TFAP2D: variants seen among roughly 807,000 people sequenced by gnomAD.
The protein encoded by TFAP2D is transcription factor AP-2 delta.
A neutral mutation model predicts 43.6 loss-of-function variants in TFAP2D; 9 were observed. The ratio of observed to expected loss-of-function variants is 0.21; its 90% CI spans 0.12 to 0.36. The LOEUF (loss-of-function observed/expected upper bound fraction) is 0.36. Among genes scored for constraint, TFAP2D ranks in the 10% least tolerant of loss-of-function variants. The probability of loss-of-function intolerance (pLI) is 1.00; values close to 1 mark genes in which losing one functional copy is unlikely to be tolerated. For missense variants in TFAP2D, 513 were observed against 561.4 expected, an observed-to-expected ratio of 0.91 and a Z score of 0.87; for synonymous variants, 256 against 224.9, an observed-to-expected ratio of 1.14 and a Z score of -1.24.
At chr6:50,751,044 A>G (rs1769193704) in intron 6 of TFAP2D, among the ~76,000 whole-genome samples, 167 bp from the exon 7 acceptor site, 1 of 152,032 alleles carries the variant, frequency 6.6e-6, no homozygotes, top group African/African-American at 2.4e-5. Flanking sequence ...CAAAGTCACC[A>G]TTATGAAACT....
chr6:50,734,145 G>A (rs992663137), intron 5 of TFAP2D, among the ~76,000 whole-genome samples: 1 of 152,032 alleles, frequency 6.6e-6, no homozygotes, highest in East Asian at 1.9e-4. Context: ...TGTTGCTCTT[G>A]TCTTTCATTT....
chr6:50,741,315 G>T (rs558359339), intron 5 of TFAP2D, among the ~76,000 whole-genome samples: 10 of 152,012 alleles, frequency 6.6e-5, no homozygotes, highest in Admixed American at 5.3e-4. Context: ...AAGTTCAGGG[G>T]TACAAATGCA....
intron 7 of TFAP2D, among the ~76,000 whole-genome samples, chr6:50,761,457 T>A (rs1769363320): frequency 6.6e-6 from 1 of 151,974 alleles, no homozygotes; most frequent in Admixed American, 6.6e-5. Context: ...CAGACACAAC[T>A]GAGTGATCTA....
At chr6:50,729,434 G>A in intron 5 of TFAP2D, 122 bp downstream of exon 5, 2 of 723,190 alleles carry the variant, frequency 2.8e-6, no homozygotes, top group South Asian at 2.1e-5. Flanking sequence ...TAACAGTTAA[G>A]GTAAATTTCC....
rs762273100 is a variant in TFAP2D, at chr6:50,715,647, T to TC, written c.537+38dup. ...GCATGCAGCGAATTTGTCTGCTCCC[T>TC]CCCCTCTTCGCCCTCCCCCTGCCGC... On this transcript the variant is annotated intron_variant, in intron 2 of 7. Coordinates refer to ENST00000008391, the MANE Select transcript of TFAP2D (RefSeq NM_172238.4). 1.9e-6 allele frequency: 3 copies of TC among 1,549,620 alleles called. No homozygotes were observed. The African/African-American group carries it at 4.1e-5, about 21-fold the overall frequency.
chr6:50,759,424 C>T (rs1383326163), intron 7 of TFAP2D, among the ~76,000 whole-genome samples: 1 of 151,992 alleles, frequency 6.6e-6, no homozygotes, highest in Non-Finnish European at 1.5e-5. Flanking sequence ...TAATATTTTA[C>T]TCCATTCTGA....
chr6:50,725,575 C>A (rs1377764865), intron 3 of TFAP2D, among the ~76,000 whole-genome samples: 1 of 152,188 alleles, frequency 6.6e-6, no homozygotes, highest in African/African-American at 2.4e-5. Flanking sequence ...TATGAGCTGA[C>A]ATGCAACACA....
At chr6:50,749,014 TTAAA>T (rs1266033960) in intron 6 of TFAP2D, among the ~76,000 whole-genome samples, 2 of 151,760 alleles carry the variant, frequency 1.3e-5, no homozygotes, top group African/African-American at 4.8e-5. Context: ...AAATAAAAAA[TTAAA>T]TAAGAAGGAA....
intron 1 of TFAP2D, 64 bp downstream of exon 1, chr6:50,714,158 C>A: frequency 1.3e-6 from 2 of 1,521,488 alleles, no homozygotes; most frequent in Non-Finnish European, 1.8e-6. Context: ...GCGGCGGTGG[C>A]GGCGGTGGCG....
chr6:50,717,407 AT>A (rs749167688), intron 2 of TFAP2D, among the ~76,000 whole-genome samples: 2 of 152,254 alleles, frequency 1.3e-5, no homozygotes, highest in Non-Finnish European at 2.9e-5. Context: ...GAAAATAAAC[AT>A]TGTAACCGTG....
intron 7 of TFAP2D, among the ~76,000 whole-genome samples, chr6:50,762,826 T>A (rs913427225): frequency 2.6e-5 from 4 of 151,764 alleles, no homozygotes; most frequent in Admixed American, 2.0e-4. Flanking sequence ...GAAAATGAAA[T>A]CAATGAGCTG....
chr6:50,750,054 T>C (rs1247370077), intron 6 of TFAP2D, among the ~76,000 whole-genome samples: 2 of 151,918 alleles, frequency 1.3e-5, no homozygotes. Flanking sequence ...TTGATGGAAT[T>C]CAATAAATTT....
At chr6:50,754,658 C>T (rs1362238105) in intron 7 of TFAP2D, among the ~76,000 whole-genome samples, 1 of 151,792 alleles carries the variant, frequency 6.6e-6, no homozygotes, top group African/African-American at 2.4e-5. Flanking sequence ...ATATCTTCAC[C>T]AAATAGTAGC....
intron 5 of TFAP2D, among the ~76,000 whole-genome samples, chr6:50,742,535 G>A (rs1769060482): frequency 1.3e-5 from 2 of 151,740 alleles, no homozygotes; most frequent in African/African-American, 4.8e-5. Context: ...TGGATGGATG[G>A]ATGGATGGAT....
At chr6:50,718,002 C>T (rs1768655025) in intron 2 of TFAP2D, 2 of 152,204 alleles carry the variant, frequency 1.3e-5, no homozygotes, top group Admixed American at 6.5e-5. Flanking sequence ...CTAACAGATG[C>T]AAACAGTCTT....
At position 50,772,953 on chromosome 6, in the gene TFAP2D, G is replaced by A. The variant is rs1769557444; in HGVS notation, c.*89G>A. The A allele has an allele frequency of 8.2e-7, 1 of 1,215,718 alleles. No individual in the cohort carries two copies. Among genetic ancestry groups the A allele is most frequent in the Non-Finnish European group, 1.1e-6 (1 of 875,330 alleles). 75.3% of individuals were successfully genotyped at this position (1,215,718 alleles called of 1,614,324 possible). ...CATTGAGGGTGACTAATCTTCAGTG[G>A]ACCAAATCTCTACCCTTCCCCAACC... On this transcript the variant is annotated 3_prime_UTR_variant, in exon 8 of 8. Coordinates refer to ENST00000008391, the MANE Select transcript of TFAP2D (RefSeq NM_172238.4).
intron 5 of TFAP2D, among the ~76,000 whole-genome samples, chr6:50,738,622 C>T (rs773691660): frequency 5.9e-5 from 9 of 152,060 alleles, no homozygotes; most frequent in Non-Finnish European, 1.2e-4. Flanking sequence ...ACCTTGTTGG[C>T]TTAACATTTT....
At chr6:50,745,083 C>T (rs1769106585) in intron 5 of TFAP2D, 24 bp from the exon 6 acceptor site, 2 of 1,611,970 alleles carry the variant, frequency 1.2e-6, no homozygotes, top group Non-Finnish European at 1.7e-6. Context: ...TGGTGAGAAA[C>T]TCACTTGTGT....
intron 5 of TFAP2D, among the ~76,000 whole-genome samples, 191 bp from the exon 6 acceptor site, chr6:50,744,916 C>T (rs1468119911): frequency 6.6e-6 from 1 of 152,092 alleles, no homozygotes; most frequent in African/African-American, 2.4e-5. Flanking sequence ...TTCTCTGTTC[C>T]TCAATTTCCC....
Sources: gnomAD v4.1 joint callset for allele counts (sites outside exome capture counted in the v4.1 genomes callset) on GRCh38, gnomAD v4.1.1 for gene constraint, MANE v1.5 for transcripts, NCBI Gene and HGNC (gene_info 2026-07-23, HGNC 2026-07-21) for gene names.